EXOC2: variants seen among roughly 807,000 people sequenced by gnomAD.
The protein encoded by EXOC2 is SEC5-like 1.
Under a neutral mutation model 131.8 loss-of-function variants are expected in EXOC2, and 70 were observed. That is an observed-to-expected ratio of 0.53 (90% CI 0.44 to 0.65). The LOEUF (loss-of-function observed/expected upper bound fraction) is 0.65. Among genes scored for constraint, EXOC2 ranks in the 30% least tolerant of loss-of-function variants. The pLI is 0.00. For missense variants in EXOC2, 923 were observed against 1,108.6 expected, an observed-to-expected ratio of 0.83 and a Z score of 2.38; for synonymous variants, 411 against 398.4, an observed-to-expected ratio of 1.03 and a Z score of -0.38.
chr6:535,029 T>A (rs955385483), intron 22 of EXOC2, among the ~76,000 whole-genome samples: 14 of 152,124 alleles, frequency 9.2e-5, no homozygotes, highest in South Asian at 8.3e-4. Context: ...AAAAGAAAAG[T>A]TTAAAAGGAG....
At chr6:674,892 C>T (rs1477874392) in intron 1 of EXOC2, among the ~76,000 whole-genome samples, 1 of 152,060 alleles carries the variant, frequency 6.6e-6, no homozygotes, top group Non-Finnish European at 1.5e-5. Context: ...AGGGACACTG[C>T]CCCCAGCCCT....
At chr6:619,272 CCT>C in intron 5 of EXOC2, among the ~76,000 whole-genome samples, 156 bp downstream of exon 5, 1 of 152,228 alleles carries the variant, frequency 6.6e-6, no homozygotes, top group Middle Eastern at 3.4e-3. Context: ...AAACAGACAC[CCT>C]GAGATGTTCA....
intron 22 of EXOC2, among the ~76,000 whole-genome samples, chr6:537,213 C>T (rs149318171): frequency 1.1e-3 from 165 of 151,192 alleles, no homozygotes; most frequent in African/African-American, 3.7e-3. Context: ...AGATGACGAC[C>T]GACGGAGCGC....
At chr6:621,690 C>T (rs80170289) in intron 4 of EXOC2, among the ~76,000 whole-genome samples, 97 of 151,900 alleles carry the variant, frequency 6.4e-4, no homozygotes, top group African/African-American at 2.1e-3. Flanking sequence ...ACTAGCTTCA[C>T]GAGTTAAAAG....
intron 23 of EXOC2, among the ~76,000 whole-genome samples, chr6:519,107 C>T (rs1189942532): frequency 2.1e-5 from 3 of 143,510 alleles, no homozygotes; most frequent in Admixed American, 2.1e-4. Context: ...CGTCCACACT[C>T]GGAGACGAAA....
At chr6:660,642 T>A (rs1763384783) in intron 1 of EXOC2, among the ~76,000 whole-genome samples, 1 of 152,118 alleles carries the variant, frequency 6.6e-6, no homozygotes, top group Non-Finnish European at 1.5e-5. Context: ...GACAAAAGAA[T>A]CTGAACAACA....
At chr6:623,733 C>T (rs1299097827) in intron 4 of EXOC2, among the ~76,000 whole-genome samples, 4 of 152,192 alleles carry the variant, frequency 2.6e-5, no homozygotes, top group Non-Finnish European at 5.9e-5. Flanking sequence ...ATTCCCCCTG[C>T]TCTTGATTGG....
chr6:628,657 G>A (rs1171923230), intron 4 of EXOC2, among the ~76,000 whole-genome samples: 1 of 152,174 alleles, frequency 6.6e-6, no homozygotes, highest in Non-Finnish European at 1.5e-5. Flanking sequence ...GTTATGAAGA[G>A]CAGCTCAGAG....
intron 22 of EXOC2, among the ~76,000 whole-genome samples, chr6:541,066 A>G (rs763456272): frequency 6.6e-6 from 1 of 152,230 alleles, no homozygotes; most frequent in Non-Finnish European, 1.5e-5. Context: ...GTAGGGTTTC[A>G]GAAAACTGTC....
At position 564,946 on chromosome 6, in the gene EXOC2, AC is replaced by A. The variant is rs1757898519; in HGVS notation, c.1444-18del. 1 of 1,567,876 alleles carries A rather than the reference AC, an allele frequency of 6.4e-7. No homozygotes were observed. The highest frequency in any genetic ancestry group is 8.7e-7 in the Non-Finnish European group (1 of 1,155,696). On this transcript the variant is annotated intron_variant, in intron 13 of 27. Coordinates refer to ENST00000230449, the MANE Select transcript of EXOC2 (RefSeq NM_018303.6). ...CTCAGCAGTCTTAAAAATTAAAAAAACAAAATAAAACATATTAGAAATAATT... is the reference window on the plus strand; with the variant it reads ...CTCAGCAGTCTTAAAAATTAAAAAAAAAAATAAAACATATTAGAAATAATT...
At chr6:537,581 G>C (rs1257230868) in intron 22 of EXOC2, among the ~76,000 whole-genome samples, 1 of 152,196 alleles carries the variant, frequency 6.6e-6, no homozygotes, top group Non-Finnish European at 1.5e-5. Flanking sequence ...GCCACGACCA[G>C]CTATTGTACT....
intron 4 of EXOC2, among the ~76,000 whole-genome samples, chr6:628,378 T>A (rs934120045): frequency 6.6e-6 from 1 of 152,160 alleles, no homozygotes; most frequent in East Asian, 1.9e-4. Flanking sequence ...CTGACACTTA[T>A]TAGGAACACT....
intron 13 of EXOC2, among the ~76,000 whole-genome samples, chr6:567,923 C>T (rs138989687): frequency 6.6e-6 from 1 of 152,330 alleles, no homozygotes; most frequent in East Asian, 1.9e-4. Context: ...CCTAACATGC[C>T]CAATTCTTCT....
At chr6:650,279 C>T (rs143892909) in intron 1 of EXOC2, among the ~76,000 whole-genome samples, 6 of 152,238 alleles carry the variant, frequency 3.9e-5, no homozygotes, top group South Asian at 2.1e-4. Context: ...TTCACTTTTA[C>T]GCACTGTGAA....
At chr6:584,804 A>C (rs1426994510) in intron 11 of EXOC2, among the ~76,000 whole-genome samples, 1 of 152,256 alleles carries the variant, frequency 6.6e-6, no homozygotes, top group Admixed American at 6.5e-5. Context: ...AGTTCTAATT[A>C]AGTGCATCTC....
intron 4 of EXOC2, among the ~76,000 whole-genome samples, chr6:626,347 G>A (rs999111766): frequency 3.3e-5 from 5 of 152,092 alleles, no homozygotes; most frequent in African/African-American, 1.2e-4. Context: ...TGGGTCCACC[G>A]GTAAAATATT....
chr6:517,851 A>T lies in EXOC2; in HGVS notation c.2380+14618T>A, dbSNP rs139919102. The stretch of plus-strand genomic sequence containing the variant: ...ACAAAGGAACAGGTTAAATGACACC[A>T]TGAGGAAGCTATCTGAAAAATATAG... On this transcript the variant is annotated intron_variant, in intron 23 of 27. Coordinates refer to ENST00000230449, the MANE Select transcript of EXOC2 (RefSeq NM_018303.6). Among the ~76,000 whole-genome samples, 1,204 of 152,344 alleles carry T rather than the reference A, an allele frequency of 7.9e-3. 44 individuals are homozygous for T. The highest frequency in any genetic ancestry group is 0.061 in the Admixed American group (928 of 15,300).
chr6:653,114 C>T (rs890838864), intron 1 of EXOC2, among the ~76,000 whole-genome samples: 25 of 152,162 alleles, frequency 1.6e-4, no homozygotes, highest in Non-Finnish European at 3.7e-4. Flanking sequence ...GACTGTTCCA[C>T]CAACCAGCAT....
At chr6:647,725 A>C (rs1419809127) in intron 1 of EXOC2, among the ~76,000 whole-genome samples, 2 of 147,534 alleles carry the variant, frequency 1.4e-5, no homozygotes, top group African/African-American at 2.5e-5. Flanking sequence ...GCAAAACTAA[A>C]AAACTAGGAC....
Sources: allele counts gnomAD v4.1 joint callset (sites outside exome capture counted in the v4.1 genomes callset), GRCh38; gene constraint gnomAD v4.1.1; transcripts MANE v1.5; gene names NCBI Gene and HGNC (gene_info 2026-07-23, HGNC 2026-07-21).